ATP6V1E1: variants seen among roughly 807,000 people sequenced by gnomAD.
The protein encoded by ATP6V1E1 is ATPase H+ transporting V1 subunit E1, also known as V-type proton ATPase subunit E 1.
In ATP6V1E1, 21 loss-of-function variants were observed where a neutral mutation model predicts 35.2. That is an observed-to-expected ratio of 0.60 (90% CI 0.42 to 0.86). The LOEUF is 0.86. ATP6V1E1 is among the 40% of genes least tolerant of loss of function. The probability of loss-of-function intolerance (pLI) is 0.00; values close to 1 mark genes in which losing one functional copy is unlikely to be tolerated. For synonymous variants in ATP6V1E1, 83 were observed against 87.8 expected, an observed-to-expected ratio of 0.95 and a Z score of 0.30; for missense variants, 183 against 272.6, an observed-to-expected ratio of 0.67 and a Z score of 2.32.
chr22:17,619,023 G>A (rs113306307), intron 2 of ATP6V1E1: 199 of 454,272 alleles, frequency 4.4e-4, no homozygotes, highest in African/African-American at 3.5e-3. Flanking sequence ...GCCAGGCACT[G>A]TGGCTCATAC....
intron 2 of ATP6V1E1, among the ~76,000 whole-genome samples, chr22:17,615,078 G>A (rs973942962): frequency 2.6e-5 from 4 of 151,966 alleles, no homozygotes; most frequent in South Asian, 4.1e-4. Flanking sequence ...TGAGGCAGGC[G>A]GATCACAAGG....
chr22:17,609,518 G>C (rs2146305946), intron 4 of ATP6V1E1, among the ~76,000 whole-genome samples: 1 of 138,320 alleles, frequency 7.2e-6, no homozygotes, highest in African/African-American at 2.8e-5. Flanking sequence ...ACCCAGGCTG[G>C]AGTGCAGTGG....
chr22:17,600,048 T>C lies in ATP6V1E1; in HGVS notation c.414A>G (p.Lys138=). The C allele has an allele frequency of 6.2e-7, 1 of 1,613,950 alleles. No homozygotes were observed. Among genetic ancestry groups the C allele is most frequent in the African/African-American group, 1.3e-5 (1 of 75,008 alleles). Residue 138 remains lysine (K), a synonymous_variant, in exon 6 of 9, where the codon AAA becomes AAG. Coordinates refer to ENST00000253413, the MANE Select transcript of ATP6V1E1 (RefSeq NM_001696.4). ...TTACCTTTACCAGAGGGAAATCTTG[T>C]TTCCTGCAACGAACAATCATTCGGG... The part of the protein sequence containing the change: ...LEPRMIVRCR[K]QDFPLVKAAV...
At chr22:17,617,754 T>G (rs2057854135) in intron 2 of ATP6V1E1, among the ~76,000 whole-genome samples, 1 of 152,232 alleles carries the variant, frequency 6.6e-6, no homozygotes, top group African/African-American at 2.4e-5. Flanking sequence ...GAAGGTCACC[T>G]TTGTAATGGG....
At chr22:17,620,297 G>A (rs13057551) in intron 1 of ATP6V1E1, among the ~76,000 whole-genome samples, 18,779 of 151,634 alleles carry the variant, frequency 0.12, 1,600 homozygotes, top group Non-Finnish European at 0.18. Context: ...ACAGGCGCCC[G>A]CCACCATGCC....
At chr22:17,620,838 C>T (rs2057872810) in intron 1 of ATP6V1E1, among the ~76,000 whole-genome samples, 2 of 152,002 alleles carry the variant, frequency 1.3e-5, no homozygotes, top group Admixed American at 1.3e-4. Flanking sequence ...CCGAGGCGGG[C>T]GGATCACGAG....
Position 17,598,835 on chromosome 22 carries a change from C to G in ATP6V1E1, c.436-547G>C, listed in dbSNP as rs181668580. ...TTCTACTTCTGGGTATACAGACAAACGGATAGAAAGCAGGACAGATATCCG... is the reference window on the plus strand; with the variant it reads ...TTCTACTTCTGGGTATACAGACAAAGGGATAGAAAGCAGGACAGATATCCG... On this transcript the variant is annotated intron_variant, in intron 6 of 8. Coordinates refer to ENST00000253413, the MANE Select transcript of ATP6V1E1 (RefSeq NM_001696.4). Among the ~76,000 whole-genome samples, 38 of 152,226 alleles carry G rather than the reference C, an allele frequency of 2.5e-4. No individual in the cohort carries two copies. In the East Asian group the frequency reaches 6.4e-3, roughly 26 times the overall value.
intron 7 of ATP6V1E1, chr22:17,597,927 T>C (rs1569202112): frequency 4.9e-6 from 2 of 409,990 alleles, no homozygotes; most frequent in East Asian, 4.8e-5. Flanking sequence ...TCCACCTGCC[T>C]CAGCCTCCCA....
chr22:17,617,684 T>C (rs976429249), intron 2 of ATP6V1E1, among the ~76,000 whole-genome samples: 3 of 152,230 alleles, frequency 2.0e-5, no homozygotes, highest in African/African-American at 7.2e-5. Context: ...TGTTAAGGAA[T>C]ATAAATTGGC....
intron 2 of ATP6V1E1, among the ~76,000 whole-genome samples, chr22:17,614,879 G>C (rs1327518182): frequency 6.6e-6 from 1 of 150,736 alleles, no homozygotes; most frequent in African/African-American, 2.4e-5. Flanking sequence ...TGAGGCAGGA[G>C]AATGGCATGA....
At chr22:17,610,971 AATATAC>A (rs1411194524) in intron 4 of ATP6V1E1, among the ~76,000 whole-genome samples, 1 of 152,196 alleles carries the variant, frequency 6.6e-6, no homozygotes, top group African/African-American at 2.4e-5. Flanking sequence ...CATCATAATG[AATATAC>A]ATAACATAGA....
intron 4 of ATP6V1E1, among the ~76,000 whole-genome samples, chr22:17,607,469 G>T (rs1043233753): frequency 6.6e-6 from 1 of 152,044 alleles, no homozygotes; most frequent in African/African-American, 2.4e-5. Context: ...TCTACCAGTT[G>T]CCTAGACTAC....
At chr22:17,600,939 G>A (rs1453611586) in intron 5 of ATP6V1E1, 153 bp downstream of exon 5, 2 of 596,446 alleles carry the variant, frequency 3.4e-6, no homozygotes, top group East Asian at 5.6e-5. Context: ...ATGGTCAAGA[G>A]TGAAAGTAAA....
intron 2 of ATP6V1E1, among the ~76,000 whole-genome samples, chr22:17,613,977 A>G (rs1228766782): frequency 1.3e-5 from 2 of 151,894 alleles, no homozygotes; most frequent in Non-Finnish European, 1.5e-5. Flanking sequence ...AAAAAAAAAC[A>G]AAGATCCAGA....
At chr22:17,625,416 G>A (rs186206795) in intron 1 of ATP6V1E1, among the ~76,000 whole-genome samples, 274 of 151,734 alleles carry the variant, frequency 1.8e-3, no homozygotes, top group African/African-American at 6.1e-3. Flanking sequence ...GCACCACCTC[G>A]CCCGGCTAAT....
At chr22:17,619,927 C>T (rs2057867057) in intron 1 of ATP6V1E1, among the ~76,000 whole-genome samples, 1 of 152,142 alleles carries the variant, frequency 6.6e-6, no homozygotes, top group Admixed American at 6.6e-5. Flanking sequence ...AGCCAGCACC[C>T]TCCCTTTCTC....
intron 1 of ATP6V1E1, among the ~76,000 whole-genome samples, chr22:17,627,220 C>A (rs899410485): frequency 4.6e-5 from 7 of 151,616 alleles, no homozygotes; most frequent in African/African-American, 1.7e-4. Context: ...CTCGGCCTCC[C>A]GGGTTCACGC....
intron 4 of ATP6V1E1, among the ~76,000 whole-genome samples, chr22:17,611,226 T>C (rs1356845472): frequency 1.3e-5 from 2 of 152,238 alleles, no homozygotes; most frequent in Non-Finnish European, 2.9e-5. Context: ...ATTGACACTT[T>C]AGTGAAGACG....
intron 4 of ATP6V1E1, among the ~76,000 whole-genome samples, chr22:17,607,620 T>C (rs548785945): frequency 6.6e-6 from 1 of 152,246 alleles, no homozygotes; most frequent in South Asian, 2.1e-4. Context: ...CTTCTCGACC[T>C]GGAAGGTAAG....
Sources: gnomAD v4.1 joint callset for allele counts (sites outside exome capture counted in the v4.1 genomes callset) on GRCh38, gnomAD v4.1.1 for gene constraint, MANE v1.5 for transcripts, NCBI Gene and HGNC (gene_info 2026-07-23, HGNC 2026-07-21) for gene names.